The following DAB1 variants were observed in gnomAD, a reference collection of about 807,000 sequenced individuals.
DAB1 encodes the protein DAB adaptor protein 1.
Under a neutral mutation model 64.6 loss-of-function variants are expected in DAB1, and 15 were observed. The observed-to-expected ratio is 0.23, with a 90% CI of 0.16 to 0.36. The LOEUF (loss-of-function observed/expected upper bound fraction) is 0.36. Among genes scored for constraint, DAB1 ranks in the 10% least tolerant of loss-of-function variants. The pLI is 1.00. For synonymous variants in DAB1, 235 were observed against 251.9 expected, an observed-to-expected ratio of 0.93 and a Z score of 0.64; for missense variants, 596 against 706.7, an observed-to-expected ratio of 0.84 and a Z score of 1.78.
intron 6 of DAB1, among the ~76,000 whole-genome samples, chr1:57,727,652 CTT>C (rs904999114): frequency 7.2e-5 from 11 of 151,932 alleles, no homozygotes; most frequent in Non-Finnish European, 1.5e-4. Flanking sequence ...GACAATCTCA[CTT>C]TCTCTCTCCT....
intron 5 of DAB1, among the ~76,000 whole-genome samples, chr1:57,898,374 G>A (rs970735292): frequency 1.3e-5 from 2 of 152,080 alleles, no homozygotes; most frequent in African/African-American, 2.4e-5. Flanking sequence ...AATTAGTTGT[G>A]TATATCTTAA....
rs192741492 is a variant in DAB1 at position 57,089,472 on chromosome 1, C to T, written c.307-17058G>A. Reference sequence around the variant, plus strand: ...TCCAGAGCAACCCCTTATTGCAAAACAAAAGGGAGATGGGCCAGGGAGCTT... The same window carrying T: ...TCCAGAGCAACCCCTTATTGCAAAATAAAAGGGAGATGGGCCAGGGAGCTT... On this transcript the variant is annotated intron_variant, in intron 4 of 14. Coordinates refer to ENST00000371236, the MANE Select transcript of DAB1 (RefSeq NM_001365792.1). Among the ~76,000 whole-genome samples, 14 of 152,002 alleles carry T rather than the reference C, an allele frequency of 9.2e-5. No homozygotes were observed. The East Asian group carries it at 2.7e-3, about 29-fold the overall frequency.
intron 2 of DAB1, among the ~76,000 whole-genome samples, chr1:57,193,685 T>A (rs1664372134): frequency 6.6e-6 from 1 of 152,226 alleles, no homozygotes; most frequent in Non-Finnish European, 1.5e-5. Context: ...CATATGTATT[T>A]TTTAAAGCAC....
Position 57,838,696 on chromosome 1 carries a change from A to C in DAB1, n.88-12241T>G, listed in dbSNP as rs185238600. Among the ~76,000 whole-genome samples, 6 of 152,122 alleles carry C rather than the reference A, an allele frequency of 3.9e-5. No individual in the cohort carries two copies. In the East Asian group the frequency reaches 1.2e-3, roughly 29 times the overall value. On this transcript the variant is annotated intron_variant and non_coding_transcript_variant, in intron 1 of 1. Coordinates refer to the DAB1 transcript ENST00000477280. ...CATCTCTCTGTGTCTCAGGCTTCTC[A>C]TTCAAAGAATGAGACAAACTGGCTC...
intron 5 of DAB1, among the ~76,000 whole-genome samples, chr1:57,930,940 A>G (rs1157863544): frequency 6.6e-6 from 1 of 152,200 alleles, no homozygotes; most frequent in Admixed American, 6.5e-5. Flanking sequence ...TCCTGATCTT[A>G]GTGAGAAGGC....
At chr1:57,654,475 T>C (rs1031640754) in intron 6 of DAB1, among the ~76,000 whole-genome samples, 8 of 152,280 alleles carry the variant, frequency 5.3e-5, no homozygotes, top group Middle Eastern at 3.4e-3. Flanking sequence ...TTGACTAAGA[T>C]ATGTGGTGGT....
At chr1:58,367,389 T>G (rs577113309) in intron 3 of DAB1, among the ~76,000 whole-genome samples, 1 of 152,324 alleles carries the variant, frequency 6.6e-6, no homozygotes, top group South Asian at 2.1e-4. Flanking sequence ...AGCAGCCAGC[T>G]TCTGTCCTCA....
chr1:57,475,811 C>G (rs1446454698), intron 7 of DAB1, among the ~76,000 whole-genome samples: 3 of 152,200 alleles, frequency 2.0e-5, no homozygotes, highest in African/African-American at 7.2e-5. Flanking sequence ...AGTGGGGGAA[C>G]TGTGTCTTGT....
rs916262785 is a variant in DAB1, at chr1:58,491,958, A to G, written n.257+14102T>C. 6.9e-4 allele frequency among the ~76,000 whole-genome samples: 105 copies of G among 152,220 alleles called. 1 individual carries two copies. The highest frequency in any genetic ancestry group is 1.3e-3 in the Non-Finnish European group (88 of 68,042). The stretch of plus-strand genomic sequence containing the variant: ...ACTCTCCACCCCAAATCAACAGAAT[A>G]TACATTCTTTTCAGCACCACACCAC... On this transcript the variant is annotated intron_variant and non_coding_transcript_variant, in intron 3 of 20. Coordinates refer to the DAB1 transcript ENST00000485760.
At chr1:57,515,669 G>A (rs1644455788) in intron 7 of DAB1, among the ~76,000 whole-genome samples, 1 of 152,230 alleles carries the variant, frequency 6.6e-6, no homozygotes, top group Admixed American at 6.5e-5. Flanking sequence ...CCTGATGGAT[G>A]TCTAAAAGGG....
chr1:57,167,638 C>T (rs11206986), intron 2 of DAB1, among the ~76,000 whole-genome samples: 1,957 of 152,262 alleles, frequency 0.013, 47 homozygotes, highest in African/African-American at 0.044. Flanking sequence ...TGTTTTACAA[C>T]GGCCAGATTT....
At chr1:57,832,034 T>A (rs1652611802) in intron 1 of DAB1, among the ~76,000 whole-genome samples, 1 of 152,314 alleles carries the variant, frequency 6.6e-6, no homozygotes, top group Non-Finnish European at 1.5e-5. Flanking sequence ...CATATATGCA[T>A]ATGTACGTGC....
intron 2 of DAB1, among the ~76,000 whole-genome samples, chr1:57,266,156 A>G (rs1328922685): frequency 6.6e-6 from 1 of 152,224 alleles, no homozygotes; most frequent in Non-Finnish European, 1.5e-5. Flanking sequence ...AGGCTATCAG[A>G]AAAAGGGGAG....
At chr1:58,119,047 C>T (rs1307071748) in intron 5 of DAB1, among the ~76,000 whole-genome samples, 1 of 152,128 alleles carries the variant, frequency 6.6e-6, no homozygotes, top group Non-Finnish European at 1.5e-5. Flanking sequence ...ACCTTTTATA[C>T]ACTTGTGCAG....
intron 3 of DAB1, among the ~76,000 whole-genome samples, chr1:58,388,781 C>A (rs564954718): frequency 1.3e-5 from 2 of 152,150 alleles, no homozygotes; most frequent in African/African-American, 2.4e-5. Flanking sequence ...CAATTTTTTA[C>A]CCTCGGAGTC....
intron 5 of DAB1, among the ~76,000 whole-genome samples, chr1:58,132,274 C>T (rs955982296): frequency 6.6e-6 from 1 of 152,186 alleles, no homozygotes; most frequent in Non-Finnish European, 1.5e-5. Flanking sequence ...CTCCCTGACC[C>T]CTTGCGCTTC....
At chr1:58,276,544 A>T (rs1185689390) in intron 4 of DAB1, among the ~76,000 whole-genome samples, 1 of 152,148 alleles carries the variant, frequency 6.6e-6, no homozygotes, top group East Asian at 1.9e-4. Flanking sequence ...GGGGAGTAGT[A>T]CACACCTAAG....
intron 6 of DAB1, among the ~76,000 whole-genome samples, chr1:57,687,616 A>G (rs867126395): frequency 1.9e-4 from 28 of 148,838 alleles, no homozygotes; most frequent in East Asian, 1.6e-3. Context: ...AAAAAAAAAA[A>G]AAAGAAAAAA....
At chr1:57,644,098 G>T (rs562070597) in intron 7 of DAB1, among the ~76,000 whole-genome samples, 1 of 152,266 alleles carries the variant, frequency 6.6e-6, no homozygotes, top group East Asian at 1.9e-4. Flanking sequence ...TCTTCGAAAG[G>T]CACAGGGAGG....
Sources: allele counts gnomAD v4.1 joint callset (sites outside exome capture counted in the v4.1 genomes callset), GRCh38; gene constraint gnomAD v4.1.1; transcripts MANE v1.5; gene names NCBI Gene and HGNC (gene_info 2026-07-23, HGNC 2026-07-21).